AUTS2: variants seen among roughly 807,000 people sequenced by gnomAD.
The protein encoded by AUTS2 is autism susceptibility gene 2 protein.
Under a neutral mutation model 112.4 loss-of-function variants are expected in AUTS2, and 17 were observed. The ratio of observed to expected loss-of-function variants is 0.15; its 90% CI spans 0.10 to 0.23. AUTS2 has a LOEUF of 0.23. Among genes scored for constraint, AUTS2 ranks in the 10% least tolerant of loss-of-function variants. The pLI is 1.00. For synonymous variants in AUTS2, 751 were observed against 702.7 expected, an observed-to-expected ratio of 1.07 and a Z score of -1.09; for missense variants, 1,510 against 1,701.6, an observed-to-expected ratio of 0.89 and a Z score of 1.98.
intron 14 of AUTS2, among the ~76,000 whole-genome samples, chr7:70,778,176 C>T (rs1218693370): frequency 6.6e-6 from 1 of 152,160 alleles, no homozygotes. Flanking sequence ...CTGCAAGTCC[C>T]TGGATACAGC....
At chr7:69,871,348 C>T (rs115235479) in intron 1 of AUTS2, among the ~76,000 whole-genome samples, 1,982 of 152,224 alleles carry the variant, frequency 0.013, 44 homozygotes, top group African/African-American at 0.042. Context: ...CTGGCTTCGT[C>T]GTAACCATAA....
At chr7:69,994,850 T>C (rs1251645259) in intron 2 of AUTS2, among the ~76,000 whole-genome samples, 3 of 151,972 alleles carry the variant, frequency 2.0e-5, no homozygotes, top group Non-Finnish European at 4.4e-5. Context: ...TTGTGAGAGG[T>C]GTTTAAACTT....
intron 4 of AUTS2, among the ~76,000 whole-genome samples, chr7:70,379,075 G>C (rs1436165498): frequency 6.6e-6 from 1 of 151,982 alleles, no homozygotes; most frequent in African/African-American, 2.4e-5. Context: ...ATATAAGCCA[G>C]GTTATCATAT....
chr7:69,950,725 C>G (rs542702006), intron 2 of AUTS2, among the ~76,000 whole-genome samples: 2 of 152,208 alleles, frequency 1.3e-5, no homozygotes, highest in East Asian at 3.9e-4. Flanking sequence ...ATGCTGTATA[C>G]GGATTTTCTA....
intron 5 of AUTS2, among the ~76,000 whole-genome samples, chr7:70,668,949 C>T (rs547558938): frequency 6.6e-6 from 1 of 152,206 alleles, no homozygotes; most frequent in Admixed American, 6.5e-5. Context: ...GGCACCTGCT[C>T]TATGGCAATC....
At chr7:69,632,762 T>G (rs961167984) in intron 1 of AUTS2, among the ~76,000 whole-genome samples, 6 of 152,158 alleles carry the variant, frequency 3.9e-5, no homozygotes, top group Non-Finnish European at 2.9e-5. Context: ...ACAAGAATTT[T>G]ATGGTAGAGC....
chr7:69,809,243 T>G (rs1311539604), intron 1 of AUTS2, among the ~76,000 whole-genome samples: 1 of 150,962 alleles, frequency 6.6e-6, no homozygotes, highest in Non-Finnish European at 1.5e-5. Flanking sequence ...CCTGGCTAAT[T>G]TTTTGTATTT....
intron 1 of AUTS2, among the ~76,000 whole-genome samples, chr7:69,737,157 C>G (rs1025081212): frequency 6.6e-6 from 1 of 152,122 alleles, no homozygotes; most frequent in Non-Finnish European, 1.5e-5. Context: ...AAGTCCTGCA[C>G]TGTAGATGCT....
chr7:70,535,034 TAA>T (rs11350780), intron 5 of AUTS2, among the ~76,000 whole-genome samples: 2,822 of 134,562 alleles, frequency 0.021, 46 homozygotes, highest in African/African-American at 0.039. Context: ...ATCTATTTCA[TAA>T]AAAAAAAAAA....
rs574943409 is a variant in AUTS2 at position 70,660,644 on chromosome 7, C to T, written c.691-37925C>T. Among the ~76,000 whole-genome samples the T allele has an allele frequency of 3.5e-4, 53 of 152,318 alleles. 1 individual carries two copies. In the South Asian group the frequency reaches 6.6e-3, roughly 19 times the overall value. ...ACCACCACCGTGGCAGAGCATTTCC[C>T]GTGAGACAGGCCGCAGGCTACATAC... On this transcript the variant is annotated intron_variant, in intron 5 of 18. Coordinates refer to ENST00000342771, the MANE Select transcript of AUTS2 (RefSeq NM_015570.4).
In AUTS2 at chr7:69,616,920, C is replaced by A. The variant is rs576914496; in HGVS notation, c.309+16958C>A. Reference sequence around the variant, plus strand: ...GTCTGGATTTGTTTATTCTTTCATTCAAAAAAAATTTATTGACAGCTTCTG... The same window carrying A: ...GTCTGGATTTGTTTATTCTTTCATTAAAAAAAAATTTATTGACAGCTTCTG... On this transcript the variant is annotated intron_variant, in intron 1 of 18. Coordinates refer to ENST00000342771, the MANE Select transcript of AUTS2 (RefSeq NM_015570.4). Among the ~76,000 whole-genome samples, 5 of 151,830 alleles carry A rather than the reference C, an allele frequency of 3.3e-5. No homozygotes were observed. The South Asian group carries it at 8.3e-4, about 25-fold the overall frequency.
chr7:69,898,882 G>C (rs890611228), intron 1 of AUTS2, among the ~76,000 whole-genome samples: 1 of 152,144 alleles, frequency 6.6e-6, no homozygotes, highest in African/African-American at 2.4e-5. Context: ...TTTGAATTGA[G>C]CATGCACTTA....
chr7:70,643,510 G>A (rs1161581307), intron 5 of AUTS2, among the ~76,000 whole-genome samples: 1 of 152,202 alleles, frequency 6.6e-6, no homozygotes, highest in Non-Finnish European at 1.5e-5. Context: ...GGCTGAGGTT[G>A]CAGTGAGCTG....
intron 5 of AUTS2, among the ~76,000 whole-genome samples, chr7:70,484,928 TA>T (rs1401745693): frequency 6.6e-6 from 1 of 151,956 alleles, no homozygotes; most frequent in African/African-American, 2.4e-5. Flanking sequence ...AAAACCACAA[TA>T]AAATACCACC....
chr7:70,514,044 T>C (rs1563007641), intron 5 of AUTS2, among the ~76,000 whole-genome samples: 1 of 152,238 alleles, frequency 6.6e-6, no homozygotes, highest in African/African-American at 2.4e-5. Context: ...GTAAATAATG[T>C]CCTCTCTTTT....
chr7:69,946,872 T>C (rs978334388), intron 2 of AUTS2, among the ~76,000 whole-genome samples: 5 of 152,204 alleles, frequency 3.3e-5, no homozygotes, highest in African/African-American at 9.7e-5. Context: ...GGTTGGTAGA[T>C]TTCTGGTGAA....
At chr7:70,675,918 C>T (rs1390994662) in intron 5 of AUTS2, among the ~76,000 whole-genome samples, 1 of 152,162 alleles carries the variant, frequency 6.6e-6, no homozygotes, top group Non-Finnish European at 1.5e-5. Flanking sequence ...GAAGCACTGA[C>T]AAGCCCACCA....
At chr7:70,127,898 T>C (rs1460839696) in intron 3 of AUTS2, among the ~76,000 whole-genome samples, 4 of 152,138 alleles carry the variant, frequency 2.6e-5, no homozygotes, top group African/African-American at 9.7e-5. Context: ...CATGCCAGCA[T>C]CTGTCCTATT....
intron 4 of AUTS2, among the ~76,000 whole-genome samples, chr7:70,328,922 C>A (rs1053310571): frequency 6.6e-6 from 1 of 152,146 alleles, no homozygotes; most frequent in Non-Finnish European, 1.5e-5. Context: ...AAACCCCTTA[C>A]CCATTAAGTA....
Sources: allele counts gnomAD v4.1 joint callset (sites outside exome capture counted in the v4.1 genomes callset), GRCh38; gene constraint gnomAD v4.1.1; transcripts MANE v1.5; gene names NCBI Gene and HGNC (gene_info 2026-07-23, HGNC 2026-07-21).